Variants in DAB2IP observed in about 807,000 individuals in gnomAD.
The protein encoded by DAB2IP is disabled homolog 2-interacting protein.
A neutral mutation model predicts 107.2 loss-of-function variants in DAB2IP; 28 were observed. The observed-to-expected ratio is 0.26, with a 90% CI of 0.19 to 0.36. The LOEUF is 0.36. Ranked by LOEUF, DAB2IP falls within the 10% of genes least tolerant of loss-of-function variation. The probability of loss-of-function intolerance (pLI) is 1.00; values close to 1 mark genes in which losing one functional copy is unlikely to be tolerated. For synonymous variants in DAB2IP, 755 were observed against 706.4 expected (o/e 1.07, Z -1.09); for missense variants, 1,400 against 1,644.7 (o/e 0.85, Z 2.57).
Position 121,772,919 on chromosome 9 carries a change from G to T in DAB2IP, c.2391G>T (p.Leu797=), listed in dbSNP as rs953119134. The change falls in exon 12 of 16, where the codon CTG becomes CTT. Residue 797 remains leucine, a synonymous_variant. Transcript: ENST00000408936. The surrounding 1 kb of genome is among the most constrained non-coding windows in gnomAD (Gnocchi z 4.7). ...CAACCCCAGTGAACCTGGCAGGGCT[G>T]GCCACGGTGCGGCGGGCAGGCCAGA... is the stretch of plus-strand genomic sequence containing the variant. 1 of 1,564,908 alleles carries T rather than the reference G, an allele frequency of 6.4e-7. No individual in the cohort carries two copies. The highest frequency in any genetic ancestry group is 1.3e-5 in the African/African-American group (1 of 74,142).
At chr9:121,763,690 G>A (rs772054353) in intron 7 of DAB2IP, 41 bp downstream of exon 7, 1 of 1,611,640 alleles carries the variant, frequency 6.2e-7, no homozygotes, top group Non-Finnish European at 8.5e-7. Context: ...GTGGGGCAGG[G>A]CCCGCCAGGT....
At chr9:121,640,746 C>T (rs1178201790) in intron 1 of DAB2IP, among the ~76,000 whole-genome samples, 1 of 152,322 alleles carries the variant, frequency 6.6e-6, no homozygotes, top group African/African-American at 2.4e-5. Context: ...AACCTGTGGG[C>T]AGGCCTACGG....
At chr9:121,642,047 CTT>C (rs1564128989) in intron 1 of DAB2IP, among the ~76,000 whole-genome samples, 12 of 38,936 alleles carry the variant, frequency 3.1e-4, no homozygotes, top group African/African-American at 1.5e-3. Flanking sequence ...TTCTTTCTTT[CTT>C]TCTTTCTTTC....
chr9:121,680,743 CTTTTTTTT>C (rs78934765), intron 2 of DAB2IP, among the ~76,000 whole-genome samples: 1 of 143,844 alleles, frequency 7.0e-6, no homozygotes, highest in Non-Finnish European at 1.5e-5. Flanking sequence ...TTTTTTTTTT[CTTTTTTTT>C]TTTTTTTTTG....
chr9:121,613,876 A>G (rs1212792717), intron 1 of DAB2IP, among the ~76,000 whole-genome samples: 1 of 152,216 alleles, frequency 6.6e-6, no homozygotes, highest in Admixed American at 6.5e-5. Flanking sequence ...AGGCACAGGG[A>G]GAAGTCTTCA....
At chr9:121,706,466 G>T (rs908055587) in intron 3 of DAB2IP, among the ~76,000 whole-genome samples, 2 of 152,130 alleles carry the variant, frequency 1.3e-5, no homozygotes, top group Admixed American at 6.5e-5. Context: ...CTCTGAGTTC[G>T]CGGTGGAGTC....
exon 1 of DAB2IP, chr9:121,567,138 C>T: frequency 1.2e-6 from 2 of 1,612,110 alleles, no homozygotes; most frequent in Non-Finnish European, 1.7e-6. Flanking sequence ...CTCATGGAGA[C>T]AGCCTCGGTT....
chr9:121,645,548 C>T (rs1206218020), intron 1 of DAB2IP, among the ~76,000 whole-genome samples: 1 of 152,228 alleles, frequency 6.6e-6, no homozygotes, highest in South Asian at 2.1e-4. Context: ...GAGTCGCTCC[C>T]TCCCTTGGTC....
chr9:121,612,412 A>G (rs7872706), intron 1 of DAB2IP, among the ~76,000 whole-genome samples: 3 of 152,178 alleles, frequency 2.0e-5, no homozygotes, highest in Admixed American at 1.3e-4. Context: ...GTGTCTGAAC[A>G]TGGGTTTTTA....
chr9:121,653,410 C>T (rs1421123510), intron 1 of DAB2IP, among the ~76,000 whole-genome samples: 2 of 152,178 alleles, frequency 1.3e-5, no homozygotes, highest in East Asian at 3.9e-4. Flanking sequence ...TACTTACTCC[C>T]TTCCCCTGGA....
intron 1 of DAB2IP, among the ~76,000 whole-genome samples, chr9:121,567,925 C>T (rs1288497132): frequency 2.0e-5 from 3 of 152,056 alleles, no homozygotes; most frequent in East Asian, 1.9e-4. Flanking sequence ...CTGGGATGCC[C>T]GGCACAGCCT....
exon 2 of DAB2IP, chr9:121,678,704 C>T (rs373206873): frequency 7.0e-5 from 111 of 1,587,326 alleles, no homozygotes; most frequent in Admixed American, 2.3e-4. Flanking sequence ...GCCGGGCTCT[C>T]GGCGCAGCCT....
At chr9:121,595,760 C>G (rs548183329) in intron 1 of DAB2IP, among the ~76,000 whole-genome samples, 2 of 152,170 alleles carry the variant, frequency 1.3e-5, no homozygotes, top group Admixed American at 6.5e-5. Context: ...TGTCTTTATA[C>G]TTTTACCATA....
chr9:121,657,760 C>T (rs1833027275), intron 1 of DAB2IP, among the ~76,000 whole-genome samples: 1 of 152,156 alleles, frequency 6.6e-6, no homozygotes, highest in Non-Finnish European at 1.5e-5. Context: ...CTTCTATCTC[C>T]ATCCTTCTAT....
At position 121,699,299 on chromosome 9, in the gene DAB2IP, T is replaced by G. The variant is rs1208076035; in HGVS notation, c.229-26T>G. On this transcript the variant is annotated intron_variant, in intron 2 of 15. Transcript: ENST00000408936. This position sits in a 1 kb window ranked among gnomAD's most constrained non-coding sequence, Gnocchi z 6.2. Reference sequence around the variant, plus strand: ...CCGCCGCGCTAACCCCGCCTCCCCTTCCCCCTCTTGTCCCCCCGTGCGCAG... The same window carrying G: ...CCGCCGCGCTAACCCCGCCTCCCCTGCCCCCTCTTGTCCCCCCGTGCGCAG... The G allele has an allele frequency of 1.8e-5, 25 of 1,351,482 alleles. No individual in the cohort carries two copies. Among genetic ancestry groups the G allele is most frequent in the Non-Finnish European group, 2.2e-5 (23 of 1,030,562 alleles). 83.7% of individuals were successfully genotyped at this position (1,351,482 alleles called of 1,614,324 possible).
rs144586865 is a variant in DAB2IP at position 121,772,973 on chromosome 9, C to T, written c.2445C>T (p.Gly815=). The T allele has an allele frequency of 2.9e-4, 471 of 1,598,352 alleles. 1 individual carries two copies. In the African/African-American group the frequency reaches 4.7e-3, roughly 16 times the overall value. ...CAACCACACCAGGCACCTCCGAGGG[C>T]GCGCCAGGCCGGCCCCAGCTGTTGG... The change falls in exon 12 of 16, where the codon GGC becomes GGT. Residue 815 remains glycine, a synonymous_variant. Coordinates refer to ENST00000408936, the Ensembl canonical transcript of DAB2IP. This position sits in a 1 kb window ranked among gnomAD's most constrained non-coding sequence, Gnocchi z 4.7.
At chr9:121,627,241 C>T (rs1309040071) in intron 1 of DAB2IP, among the ~76,000 whole-genome samples, 2 of 152,062 alleles carry the variant, frequency 1.3e-5, no homozygotes, top group African/African-American at 4.8e-5. Context: ...ATCTTCACCT[C>T]GAAGTCCACG....
intron 1 of DAB2IP, among the ~76,000 whole-genome samples, chr9:121,632,143 G>A (rs1831914465): frequency 6.6e-6 from 1 of 152,224 alleles, no homozygotes; most frequent in Admixed American, 6.5e-5. Flanking sequence ...TTTGAATTGT[G>A]GCCTCTGCGG....
intron 1 of DAB2IP, among the ~76,000 whole-genome samples, chr9:121,601,597 C>T (rs1830684739): frequency 6.6e-6 from 1 of 152,176 alleles, no homozygotes; most frequent in African/African-American, 2.4e-5. Context: ...CACACAGGCA[C>T]TGAGGTTGGT....
Sources: allele counts gnomAD v4.1 joint callset (sites outside exome capture counted in the v4.1 genomes callset), GRCh38; gene constraint gnomAD v4.1.1; non-coding constraint Gnocchi (gnomAD v3.1); transcripts MANE v1.5; gene names NCBI Gene and HGNC (gene_info 2026-07-23, HGNC 2026-07-21).